Variants in MAOA observed in about 807,000 individuals in gnomAD.
MAOA encodes amine oxidase [flavin-containing] A.
MAOA carries 6 observed loss-of-function variants against 42.0 expected under a neutral mutation model. The ratio of observed to expected loss-of-function variants is 0.14; its 90% CI spans 0.08 to 0.28. The LOEUF is 0.28. Among genes scored for constraint, MAOA ranks in the 10% least tolerant of loss-of-function variants. The pLI, the probability that MAOA is intolerant of heterozygous loss-of-function variation, is 1.00. For synonymous variants in MAOA, 140 were observed against 154.0 expected, an observed-to-expected ratio of 0.91 and a Z score of 0.67; for missense variants, 262 against 422.3, an observed-to-expected ratio of 0.62 and a Z score of 3.33.
rs1337130893 is a variant in MAOA, at chrX:43,744,098, C to T, written c.1375-11C>T. 8.3e-7 allele frequency: 1 copy of T among 1,205,837 alleles called. No homozygotes were observed. Among genetic ancestry groups the T allele is most frequent in the African/African-American group, 1.8e-5 (1 of 56,757 alleles). On this transcript the variant is annotated splice_polypyrimidine_tract_variant and intron_variant, in intron 13 of 14. Coordinates refer to ENST00000338702, the MANE Select transcript of MAOA (RefSeq NM_000240.4). ...GCCTCTTTTCATAATACCATGGTGACTTTCTTTCAGGTCTTAAATGGTCTC... is the reference window on the plus strand; with the variant it reads ...GCCTCTTTTCATAATACCATGGTGATTTTCTTTCAGGTCTTAAATGGTCTC...
chrX:43,730,275 A>T (rs2033870632), intron 6 of MAOA, among the ~76,000 whole-genome samples: 1 of 109,200 alleles, frequency 9.2e-6, no homozygotes, highest in Non-Finnish European at 1.9e-5. Flanking sequence ...TGTGTTAAGG[A>T]CTTACCTTCT....
intron 9 of MAOA, among the ~76,000 whole-genome samples, chrX:43,735,212 T>C (rs1321545068): frequency 8.9e-6 from 1 of 112,021 alleles, no homozygotes; most frequent in East Asian, 2.8e-4. Flanking sequence ...GGAGGAAATA[T>C]CTGTTTTTTG....
intron 10 of MAOA, among the ~76,000 whole-genome samples, chrX:43,740,004 G>A (rs891814734): frequency 8.9e-6 from 1 of 112,119 alleles, no homozygotes; most frequent in African/African-American, 3.2e-5. Flanking sequence ...AAAATACCAT[G>A]TTCTGGGCTA....
At chrX:43,673,240 G>C (rs768050041) in intron 1 of MAOA, among the ~76,000 whole-genome samples, 1 of 111,580 alleles carries the variant, frequency 9.0e-6, no homozygotes, top group East Asian at 2.8e-4. Flanking sequence ...GGTGTTTGTA[G>C]TATTCTCTGA....
Position 43,746,197 on chromosome X carries a change from A to C in MAOA, c.*1684A>C, listed in dbSNP as rs2033997596. 8.9e-6 allele frequency: 1 copy of C among 112,578 alleles called. No individual in the cohort carries two copies. The highest frequency in any genetic ancestry group is 3.2e-5 in the African/African-American group (1 of 31,003). The allele number at this position is 112,578 out of a possible 1,213,427, so 9.3% of individuals were successfully genotyped here. Reference sequence around the variant, plus strand: ...GGGAAATGCTGATTTAAACTTCTTAACTGGCAACAGTTGGAACAGTAATCA... The same window carrying C: ...GGGAAATGCTGATTTAAACTTCTTACCTGGCAACAGTTGGAACAGTAATCA... On this transcript the variant is annotated 3_prime_UTR_variant, in exon 15 of 15. Coordinates refer to ENST00000338702, the MANE Select transcript of MAOA (RefSeq NM_000240.4).
At chrX:43,726,769 A>G (rs888768936) in intron 5 of MAOA, among the ~76,000 whole-genome samples, 7 of 111,090 alleles carry the variant, frequency 6.3e-5, no homozygotes, top group Non-Finnish European at 9.4e-5. Context: ...GGTTTTTGGA[A>G]TTTTTCAGCC....
chrX:43,725,921 C>T (rs2033829688), intron 5 of MAOA, among the ~76,000 whole-genome samples: 1 of 111,853 alleles, frequency 8.9e-6, no homozygotes, highest in Non-Finnish European at 1.9e-5. Context: ...ATTTCTCCTT[C>T]ATTTATGAAA....
At chrX:43,686,435 A>AG (rs2033487841) in intron 2 of MAOA, among the ~76,000 whole-genome samples, 2 of 112,395 alleles carry the variant, frequency 1.8e-5, no homozygotes, top group Non-Finnish European at 3.8e-5. Flanking sequence ...GGAATCTCTG[A>AG]AATGCTTGGA....
Position 43,693,371 on chromosome X carries a change from G to T in MAOA, c.249G>T (p.Glu83Asp), listed in dbSNP as rs1468915822. ...TQNRILRLSKELGIETYKVNV... is the reference protein window; with the variant it reads ...TQNRILRLSKDLGIETYKVNV... ...ACAGAATCTTACGCTTGTCTAAGGA[G>T]CTGGGCATAGAGACTTACAAAGTGA... Residue 83 changes from glutamate to aspartate, a missense_variant, in exon 3 of 15, where the codon GAG (glutamate) becomes GAT (aspartate). Around this residue, in one of 3 missense-constraint regions of MAOA, gnomAD observed 141 missense variants for 195.6 expected, o/e 0.72. Coordinates refer to ENST00000338702, the MANE Select transcript of MAOA (RefSeq NM_000240.4). The T allele has an allele frequency of 8.3e-7, 1 of 1,210,546 alleles. No homozygotes were observed.
intron 5 of MAOA, among the ~76,000 whole-genome samples, chrX:43,718,359 G>C (rs778284668): frequency 1.0e-5 from 1 of 98,316 alleles, no homozygotes; most frequent in Non-Finnish European, 2.0e-5. Flanking sequence ...CACCTGGGTA[G>C]TAGTGGGGGA....
intron 5 of MAOA, among the ~76,000 whole-genome samples, chrX:43,721,753 A>T (rs937260729): frequency 1.0e-4 from 11 of 108,486 alleles, no homozygotes; most frequent in African/African-American, 3.7e-4. Flanking sequence ...GGTTTGTTAC[A>T]TAGGTATCCA....
At chrX:43,667,114 A>G (rs1204955384) in intron 1 of MAOA, among the ~76,000 whole-genome samples, 1 of 110,285 alleles carries the variant, frequency 9.1e-6, no homozygotes, top group African/African-American at 3.3e-5. Context: ...CATTGTGCAC[A>G]TGTACCCTAG....
chrX:43,680,961 G>C (rs1334823302), intron 1 of MAOA, among the ~76,000 whole-genome samples: 1 of 111,438 alleles, frequency 9.0e-6, no homozygotes, highest in Non-Finnish European at 1.9e-5. Flanking sequence ...TGAACTCATG[G>C]ATTTAAGCCA....
At chrX:43,716,807 AG>A (rs1266024665) in intron 5 of MAOA, among the ~76,000 whole-genome samples, 1 of 109,785 alleles carries the variant, frequency 9.1e-6, no homozygotes, top group Non-Finnish European at 1.9e-5. Context: ...AATGAGCCAG[AG>A]GGGGTAGTGA....
Position 43,744,498 on chromosome X carries a change from C to A in MAOA, c.1569C>A (p.Leu523=), listed in dbSNP as rs1333921222. The change falls in exon 15 of 15, where the codon CTC becomes CTA. Residue 523 remains leucine (L), a synonymous_variant. Transcript: ENST00000338702. Reference sequence around the variant, plus strand: ...GGTTTGTGCTGTACAAATACAAGCTCCTGCCACGGTCTTGAAGTTCTGTTC... The same window carrying A: ...GGTTTGTGCTGTACAAATACAAGCTACTGCCACGGTCTTGAAGTTCTGTTC... ...ALGFVLYKYK[L]LPRS The A allele has an allele frequency of 6.6e-6, 8 of 1,208,851 alleles. No individual in the cohort carries two copies. Among genetic ancestry groups the A allele is most frequent in the Non-Finnish European group, 8.9e-6 (8 of 894,620 alleles).
intron 5 of MAOA, among the ~76,000 whole-genome samples, chrX:43,713,505 A>G (rs73470775): frequency 0.062 from 6,875 of 111,716 alleles, 504 homozygotes; most frequent in African/African-American, 0.2. Context: ...TCCCATATAG[A>G]TGTGGAATAC....
At chrX:43,661,389 A>G (rs1004365258) in intron 1 of MAOA, among the ~76,000 whole-genome samples, 16 of 111,920 alleles carry the variant, frequency 1.4e-4, no homozygotes, top group African/African-American at 4.9e-4. Context: ...TGAGATAAAT[A>G]TTAATGTTTT....
intron 1 of MAOA, among the ~76,000 whole-genome samples, chrX:43,672,606 G>A (rs1194691630): frequency 4.5e-5 from 5 of 111,643 alleles, no homozygotes; most frequent in Admixed American, 2.9e-4. Flanking sequence ...TTATTATTTC[G>A]AGATACGTCC....
rs771156695 is a variant in MAOA, at chrX:43,667,027, T to G, written c.73+10613T>G. Among the ~76,000 whole-genome samples the G allele has an allele frequency of 3.9e-3, 425 of 108,337 alleles. 2 individuals carry two copies. Among genetic ancestry groups the G allele is most frequent in the African/African-American group, 0.014 (415 of 29,662 alleles). 94.1% of individuals were successfully genotyped at this position (108,337 alleles called of 115,157 possible). A position where few individuals can be genotyped will look rare whatever the true frequency, so the allele number is the denominator to read the frequency against. ...GGGCGGGGGGGATAGCATTAGGAGA[T>G]ATACCTAATGTAAATGACGAGTCAA... On this transcript the variant is annotated intron_variant, in intron 1 of 14. Coordinates refer to ENST00000338702, the MANE Select transcript of MAOA (RefSeq NM_000240.4).
Sources: allele counts gnomAD v4.1 joint callset (sites outside exome capture counted in the v4.1 genomes callset), GRCh38; gene constraint gnomAD v4.1.1; regional missense constraint gnomAD v4.1.1; transcripts MANE v1.5; gene names NCBI Gene and HGNC (gene_info 2026-07-23, HGNC 2026-07-21).